The following DLG2 variants were observed in gnomAD, a reference collection of about 807,000 sequenced individuals.
DLG2 encodes discs large MAGUK scaffold protein 2.
DLG2 carries 45 observed loss-of-function variants against 132.5 expected under a neutral mutation model. The observed-to-expected ratio is 0.34, with a 90% CI of 0.27 to 0.44. The LOEUF (loss-of-function observed/expected upper bound fraction) is 0.44. Ranked by LOEUF, DLG2 falls within the 20% of genes least tolerant of loss-of-function variation. DLG2 has a pLI of 1.00. For synonymous variants in DLG2, 424 were observed against 419.6 expected (o/e 1.01, Z -0.13); for missense variants, 1,045 against 1,196.9 (o/e 0.87, Z 1.87).
chr11:83,882,305 T>C (rs2066497282), intron 15 of DLG2, among the ~76,000 whole-genome samples: 1 of 152,202 alleles, frequency 6.6e-6, no homozygotes, highest in Non-Finnish European at 1.5e-5. Context: ...TTAACTGTTC[T>C]CAAATTAAAA....
chr11:83,924,617 A>G (rs1193661947), intron 15 of DLG2, among the ~76,000 whole-genome samples: 1 of 152,258 alleles, frequency 6.6e-6, no homozygotes, highest in Middle Eastern at 3.4e-3. Flanking sequence ...TGGACTCGCT[A>G]TTAAGCTATG....
chr11:84,984,719 C>A (rs1461897234), intron 6 of DLG2, among the ~76,000 whole-genome samples: 1 of 152,042 alleles, frequency 6.6e-6, no homozygotes, highest in East Asian at 1.9e-4. Flanking sequence ...GATAAGAATT[C>A]ATTCTCTGCT....
At chr11:84,682,010 A>G (rs1030414490) in intron 6 of DLG2, among the ~76,000 whole-genome samples, 2 of 152,112 alleles carry the variant, frequency 1.3e-5, no homozygotes, top group Non-Finnish European at 2.9e-5. Context: ...AGAGGAAGCA[A>G]GATAGAAGGG....
chr11:84,642,331 T>C (rs769374780), intron 6 of DLG2, among the ~76,000 whole-genome samples: 19 of 151,828 alleles, frequency 1.3e-4, no homozygotes, highest in Non-Finnish European at 1.9e-4. Context: ...TCCTGCAGCT[T>C]TGTATATACA....
chr11:84,011,911 T>C (rs1439128036), intron 11 of DLG2, among the ~76,000 whole-genome samples: 1 of 152,220 alleles, frequency 6.6e-6, no homozygotes, highest in East Asian at 1.9e-4. Context: ...AAAAATTACA[T>C]GTGTTTCAAT....
intron 4 of DLG2, among the ~76,000 whole-genome samples, chr11:85,220,366 T>C (rs1236680430): frequency 1.3e-5 from 2 of 151,836 alleles, no homozygotes; most frequent in Non-Finnish European, 2.9e-5. Context: ...ATATAGTTTT[T>C]AGGTAGTAGA....
intron 10 of DLG2, among the ~76,000 whole-genome samples, chr11:84,093,071 A>T (rs1310716751): frequency 6.6e-6 from 1 of 151,458 alleles, no homozygotes; most frequent in Non-Finnish European, 1.5e-5. Context: ...AAGAAAGAAA[A>T]TTACCACACA....
chr11:84,744,763 A>G (rs188889798), intron 6 of DLG2, among the ~76,000 whole-genome samples: 1 of 152,220 alleles, frequency 6.6e-6, no homozygotes, highest in East Asian at 1.9e-4. Flanking sequence ...TTGAGAAGAA[A>G]GACAAATAAA....
chr11:83,504,599 G>A lies in DLG2; in HGVS notation c.2194-20371C>T, dbSNP rs7947119. Among the ~76,000 whole-genome samples, 1,389 of 152,192 alleles carry A rather than the reference G, an allele frequency of 9.1e-3. 17 individuals are homozygous for A. The highest frequency in any genetic ancestry group is 0.031 in the African/African-American group (1,274 of 41,512). On this transcript the variant is annotated intron_variant, in intron 21 of 27. Coordinates refer to ENST00000376104, the MANE Select transcript of DLG2 (RefSeq NM_001142699.3). ...TTTAACAGAATCGTTGTGTCTCCTG[G>A]TGGCAGCATTCCTCCCTCTGGAACT...
intron 7 of DLG2, among the ~76,000 whole-genome samples, chr11:84,258,547 A>G (rs563993040): frequency 6.6e-6 from 1 of 152,194 alleles, no homozygotes; most frequent in Non-Finnish European, 1.5e-5. Context: ...ACAATGTTCT[A>G]AGGAAAACAT....
chr11:84,808,237 T>C (rs1486888810), intron 6 of DLG2, among the ~76,000 whole-genome samples: 32 of 152,072 alleles, frequency 2.1e-4, no homozygotes. Flanking sequence ...ATAATACATG[T>C]GTCAAGAGAA....
chr11:84,949,751 T>A (rs2050687273), intron 6 of DLG2, among the ~76,000 whole-genome samples: 1 of 152,198 alleles, frequency 6.6e-6, no homozygotes, highest in African/African-American at 2.4e-5. Context: ...GGTGCCCACA[T>A]TTCATATTGC....
intron 6 of DLG2, among the ~76,000 whole-genome samples, chr11:84,611,576 T>C (rs764077947): frequency 6.6e-6 from 1 of 152,162 alleles, no homozygotes; most frequent in Non-Finnish European, 1.5e-5. Context: ...TCTATGCTAC[T>C]ATTTTTATCA....
chr11:84,161,239 T>G (rs892352976), intron 9 of DLG2, among the ~76,000 whole-genome samples: 4 of 150,080 alleles, frequency 2.7e-5, no homozygotes, highest in South Asian at 2.1e-4. Context: ...AGAGGGAGAA[T>G]TAGAGTGAGG....
intron 11 of DLG2, among the ~76,000 whole-genome samples, chr11:84,015,481 C>G (rs1290862426): frequency 6.6e-6 from 1 of 152,134 alleles, no homozygotes; most frequent in East Asian, 1.9e-4. Flanking sequence ...TCCCATCACC[C>G]AGGTATTAAT....
intron 21 of DLG2, among the ~76,000 whole-genome samples, chr11:83,492,574 A>G (rs1428840135): frequency 6.6e-6 from 1 of 151,482 alleles, no homozygotes; most frequent in African/African-American, 2.4e-5. Flanking sequence ...TTCTCCACAA[A>G]CCCTCAACAA....
chr11:85,552,761 T>C (rs2076736241), intron 3 of DLG2, among the ~76,000 whole-genome samples: 1 of 151,268 alleles, frequency 6.6e-6, no homozygotes, highest in Non-Finnish European at 1.5e-5. Flanking sequence ...ATAGAAAATA[T>C]AATGACAGAA....
chr11:85,046,137 T>C (rs2062325385), intron 6 of DLG2, among the ~76,000 whole-genome samples: 1 of 151,992 alleles, frequency 6.6e-6, no homozygotes, highest in Admixed American at 6.6e-5. Context: ...TTGCTTCAGT[T>C]CAAAGGATCC....
intron 6 of DLG2, 133 bp from the exon 7 acceptor site, chr11:84,534,864 G>T: frequency 9.7e-7 from 1 of 1,032,234 alleles, no homozygotes; most frequent in Non-Finnish European, 1.5e-6. Flanking sequence ...AATGGGCTTT[G>T]CTGCAGACTC....
Sources: gnomAD v4.1 joint callset for allele counts (sites outside exome capture counted in the v4.1 genomes callset) on GRCh38, gnomAD v4.1.1 for gene constraint, MANE v1.5 for transcripts, NCBI Gene and HGNC (gene_info 2026-07-23, HGNC 2026-07-21) for gene names.